GORAB: variants seen among roughly 807,000 people sequenced by gnomAD.
The protein encoded by GORAB is golgin, RAB6 interacting.
In GORAB, 17 loss-of-function variants were observed where a neutral mutation model predicts 29.9. That is an observed-to-expected ratio of 0.57 (90% CI 0.39 to 0.85). The LOEUF (loss-of-function observed/expected upper bound fraction) is 0.85. GORAB is among the 40% of genes least tolerant of loss of function. GORAB has a pLI of 0.00. For synonymous variants in GORAB, 183 were observed against 157.2 expected (o/e 1.16, Z -1.23); for missense variants, 442 against 437.8 (o/e 1.01, Z -0.09).
chr1:170,551,404 C>T (rs1390110126), intron 4 of GORAB, among the ~76,000 whole-genome samples: 1 of 152,206 alleles, frequency 6.6e-6, no homozygotes, highest in Non-Finnish European at 1.5e-5. Context: ...TGGGTGTGCT[C>T]TGTTCCATTT....
At chr1:170,546,747 C>T (rs1013290150) in intron 4 of GORAB, among the ~76,000 whole-genome samples, 12 of 152,110 alleles carry the variant, frequency 7.9e-5, no homozygotes, top group East Asian at 5.8e-4. Context: ...TGCAGTGGTG[C>T]GATTTTGGCT....
At chr1:170,537,294 G>A (rs1208673719) in intron 1 of GORAB, among the ~76,000 whole-genome samples, 2 of 152,168 alleles carry the variant, frequency 1.3e-5, no homozygotes, top group African/African-American at 4.8e-5. Flanking sequence ...ATTGTGAGCA[G>A]AAGTGTTATG....
At chr1:170,546,250 C>T (rs1021775517) in intron 4 of GORAB, among the ~76,000 whole-genome samples, 14 of 151,896 alleles carry the variant, frequency 9.2e-5, no homozygotes, top group African/African-American at 3.4e-4. Flanking sequence ...ATTAGCTGGG[C>T]GTGGTGGTGG....
rs1307575257 is a variant in GORAB at position 170,553,169 on chromosome 1, T to C, written c.*707T>C. 2.3e-6 allele frequency: 1 copy of C among 432,832 alleles called. No homozygotes were observed. Among genetic ancestry groups the C allele is most frequent in the African/African-American group, 2.0e-5 (1 of 48,798 alleles). The allele number at this position is 432,832 out of a possible 1,614,324, so 26.8% of individuals were successfully genotyped here. A position where few individuals can be genotyped will look rare whatever the true frequency, so the allele number is the denominator to read the frequency against. On this transcript the variant is annotated 3_prime_UTR_variant, in exon 5 of 5. Coordinates refer to ENST00000367763, the MANE Select transcript of GORAB (RefSeq NM_152281.3). ...TCTTTCCTTTAATCGATGAATTGAT[T>C]AAATTTAGACAATTAAAACATTTCT...
At chr1:170,548,036 G>C (rs1649868495) in intron 4 of GORAB, among the ~76,000 whole-genome samples, 1 of 152,224 alleles carries the variant, frequency 6.6e-6, no homozygotes, top group Non-Finnish European at 1.5e-5. Flanking sequence ...AGTTTCCTAA[G>C]ACTACCATAA....
At chr1:170,537,206 T>C (rs1212142170) in intron 1 of GORAB, among the ~76,000 whole-genome samples, 1 of 152,188 alleles carries the variant, frequency 6.6e-6, no homozygotes, top group Non-Finnish European at 1.5e-5. Context: ...ATGGTGATAA[T>C]CATTGTGTTA....
At chr1:170,532,826 G>A (rs1320887148) in intron 1 of GORAB, among the ~76,000 whole-genome samples, 3 of 152,194 alleles carry the variant, frequency 2.0e-5, no homozygotes, top group Non-Finnish European at 4.4e-5. Context: ...CAATTTTTGA[G>A]AATCAGCAAA....
intron 1 of GORAB, among the ~76,000 whole-genome samples, chr1:170,533,289 T>G (rs1396965341): frequency 1.3e-5 from 2 of 152,168 alleles, no homozygotes; most frequent in African/African-American, 2.4e-5. Flanking sequence ...ATTAGTAAGA[T>G]AGGGCCAATG....
At position 170,552,133 on chromosome 1, in the gene GORAB, C is replaced by G; in HGVS notation, c.781C>G (p.Leu261Val). 6.2e-7 allele frequency: 1 copy of G among 1,614,098 alleles called. No individual in the cohort carries two copies. The highest frequency in any genetic ancestry group is 8.5e-7 in the Non-Finnish European group (1 of 1,179,956). ...TTGTACGATCATACAGCAAAATGAG[C>G]TCCGAAAGGCCAAGAAGTTGGAGGA... The part of the protein sequence containing the change: ...HLCTIIQQNE[L>V]RKAKKLEELM... The change falls in exon 5 of 5, where the codon CTC (leucine) becomes GTC (valine). Residue 261 changes from leucine (L) to valine (V), a missense_variant. Transcript: ENST00000367763.
chr1:170,545,002 C>T (rs974338497), intron 4 of GORAB, 157 bp downstream of exon 4: 7 of 1,372,854 alleles, frequency 5.1e-6, no homozygotes, highest in Non-Finnish European at 6.6e-6. Flanking sequence ...CAAGTGTCTC[C>T]TCTTCAGTGA....
chr1:170,543,061 A>G (rs1480340079), intron 3 of GORAB, among the ~76,000 whole-genome samples: 1 of 152,190 alleles, frequency 6.6e-6, no homozygotes, highest in Non-Finnish European at 1.5e-5. Flanking sequence ...CCCCGCCTCC[A>G]CAAGTAGAAG....
chr1:170,539,284 G>T lies in GORAB; in HGVS notation c.136G>T (p.Glu46Ter). ...ACTTCAGCGAGAAAAAGCCCTTGTA[G>T]AGCAAAGCCAAAAACTTGGGCTTCA... ...QQLQREKALV[E>*]QSQKLGLQDG... The change falls in exon 2 of 5, where the codon GAG becomes TAG. Residue 46 changes from glutamate to a stop codon, truncating the protein, a stop_gained. Transcript: ENST00000367763. LOFTEE classifies it high-confidence loss of function. 1.2e-6 allele frequency: 2 copies of T among 1,614,194 alleles called. No homozygotes were observed. Among genetic ancestry groups the T allele is most frequent in the Non-Finnish European group, 1.7e-6 (2 of 1,180,022 alleles).
chr1:170,552,176 A>G lies in GORAB; in HGVS notation c.824A>G (p.Asp275Gly), dbSNP rs1316145923. ...TTGGAGGAGTTGATGCAACAACTAG[A>G]TGTAGAAGCCGATGAAGAGACTTTG... ...KKLEELMQQL[D>G]VEADEETLEL... Residue 275 changes from aspartate to glycine, a missense_variant, in exon 5 of 5, where the codon GAT (aspartate) becomes GGT (glycine). By Grantham distance (94) the Asp-to-Gly change is moderately conservative. Coordinates refer to ENST00000367763, the MANE Select transcript of GORAB (RefSeq NM_152281.3). 1.2e-6 allele frequency: 2 copies of G among 1,614,122 alleles called. No individual in the cohort carries two copies. The highest frequency in any genetic ancestry group is 8.5e-7 in the Non-Finnish European group (1 of 1,179,988).
chr1:170,544,437 CTT>C (rs1306790892), intron 3 of GORAB, among the ~76,000 whole-genome samples: 1 of 152,088 alleles, frequency 6.6e-6, no homozygotes, highest in Non-Finnish European at 1.5e-5. Flanking sequence ...TGTTTGTTCT[CTT>C]TACAGAATGA....
chr1:170,541,203 C>CAAAAAAA (rs67384213), intron 2 of GORAB, among the ~76,000 whole-genome samples: 2 of 46,328 alleles, frequency 4.3e-5, no homozygotes, highest in Admixed American at 3.8e-4. Context: ...GATTCTGTCC[C>CAAAAAAA]AAAAAAAAAA....
chr1:170,537,089 G>A (rs1340511231), intron 1 of GORAB, among the ~76,000 whole-genome samples: 1 of 150,694 alleles, frequency 6.6e-6, no homozygotes, highest in Non-Finnish European at 1.5e-5. Context: ...CTTTCTTCCT[G>A]CCTGCCTTCC....
chr1:170,535,343 T>C (rs1648993077), intron 1 of GORAB, among the ~76,000 whole-genome samples: 1 of 152,194 alleles, frequency 6.6e-6, no homozygotes, highest in Non-Finnish European at 1.5e-5. Flanking sequence ...TTTATGAGTG[T>C]AACACATGCA....
chr1:170,541,860 C>T (rs1649446347), intron 2 of GORAB, among the ~76,000 whole-genome samples: 1 of 152,006 alleles, frequency 6.6e-6, no homozygotes, highest in Non-Finnish European at 1.5e-5. Flanking sequence ...CACCTGTAAT[C>T]CCAGCACTTA....
chr1:170,544,750 G>C lies in GORAB; in HGVS notation c.567G>C (p.Gln189His). 1 of 1,614,040 alleles carries C rather than the reference G, an allele frequency of 6.2e-7. No individual in the cohort carries two copies. The highest frequency in any genetic ancestry group is 2.2e-5 in the East Asian group (1 of 44,880). Reference protein sequence around the residue: ...QAETMKLKRIQKELQALDDMV... With the variant: ...QAETMKLKRIHKELQALDDMV... The stretch of plus-strand genomic sequence containing the variant: ...AGACCATGAAACTAAAGCGGATCCA[G>C]AAGGAGTTGCAGGCTTTAGATGACA... Residue 189 changes from glutamine (Q) to histidine (H), a missense_variant, in exon 4 of 5, where the codon CAG (glutamine) becomes CAC (histidine). Transcript: ENST00000367763.
Sources: gnomAD v4.1 joint callset for allele counts (sites outside exome capture counted in the v4.1 genomes callset) on GRCh38, gnomAD v4.1.1 for gene constraint, MANE v1.5 for transcripts, NCBI Gene and HGNC (gene_info 2026-07-23, HGNC 2026-07-21) for gene names.